The following COL28A1 variants were observed in gnomAD, a reference collection of about 807,000 sequenced individuals.
COL28A1 encodes the protein collagen alpha-1(XXVIII) chain.
Under a neutral mutation model 150.2 loss-of-function variants are expected in COL28A1, and 161 were observed. That is an observed-to-expected ratio of 1.07 (90% CI 0.94 to 1.22). The LOEUF is 1.22. COL28A1 is among the 50% of genes most tolerant of loss of function. COL28A1 has a pLI of 0.00. For missense variants in COL28A1, 1,617 were observed against 1,388.3 expected (o/e 1.16, Z -2.62); for synonymous variants, 552 against 469.7 (o/e 1.18, Z -2.26).
At chr7:7,405,338 A>G (rs1162751346) in intron 27 of COL28A1, among the ~76,000 whole-genome samples, 1 of 152,162 alleles carries the variant, frequency 6.6e-6, no homozygotes, top group African/African-American at 2.4e-5. Context: ...AAATCACCAC[A>G]GTATGGTAAT....
chr7:7,474,702 A>T (rs1212488480), intron 14 of COL28A1, 33 bp from the exon 15 acceptor site: 1 of 910,140 alleles, frequency 1.1e-6, no homozygotes, highest in South Asian at 1.3e-5. Context: ...TCAATGCACC[A>T]ACCAAAATCT....
chr7:7,364,462 A>G (rs1003613511), intron 33 of COL28A1, among the ~76,000 whole-genome samples: 1 of 152,118 alleles, frequency 6.6e-6, no homozygotes, highest in East Asian at 1.9e-4. Context: ...TAATTCACCC[A>G]TATGTTTACC....
intron 15 of COL28A1, among the ~76,000 whole-genome samples, chr7:7,465,470 G>A (rs373527169): frequency 2.1e-5 from 3 of 139,672 alleles, no homozygotes; most frequent in South Asian, 5.0e-4. Context: ...ACGGAATCTC[G>A]CTGATTGCTA....
chr7:7,463,889 C>T (rs1787840561), intron 15 of COL28A1, among the ~76,000 whole-genome samples: 1 of 152,112 alleles, frequency 6.6e-6, no homozygotes, highest in South Asian at 2.1e-4. Flanking sequence ...TAAGAATTCA[C>T]CAACCAATCT....
At chr7:7,531,208 C>G (rs966224049) in intron 3 of COL28A1, 140 bp downstream of exon 3, 2 of 480,056 alleles carry the variant, frequency 4.2e-6, no homozygotes, top group African/African-American at 4.0e-5. Context: ...AGTGACACTT[C>G]AGAAAGATTC....
intron 18 of COL28A1, among the ~76,000 whole-genome samples, chr7:7,448,319 G>A (rs891784745): frequency 2.0e-5 from 3 of 152,078 alleles, no homozygotes; most frequent in Non-Finnish European, 4.4e-5. Context: ...AAGACATGTT[G>A]TGTAGAGAAA....
intron 16 of COL28A1, among the ~76,000 whole-genome samples, chr7:7,455,747 C>T (rs1237818720): frequency 6.6e-6 from 1 of 152,138 alleles, no homozygotes; most frequent in Non-Finnish European, 1.5e-5. Context: ...AACTATTGTT[C>T]CCAAGGGGAA....
chr7:7,436,549 G>A (rs1785358518), intron 22 of COL28A1, 86 bp from the exon 23 acceptor site: 2 of 813,808 alleles, frequency 2.5e-6, no homozygotes, highest in Admixed American at 1.8e-5. Context: ...TGGCCACTCT[G>A]TAAAGAGCTT....
At chr7:7,396,185 T>A (rs1782823924) in intron 27 of COL28A1, among the ~76,000 whole-genome samples, 1 of 152,210 alleles carries the variant, frequency 6.6e-6, no homozygotes, top group Non-Finnish European at 1.5e-5. Flanking sequence ...CCCAGTGGTC[T>A]GCCATTTGGG....
chr7:7,351,119 A>G, the COL28A1 span, among the ~76,000 whole-genome samples: 1 of 152,152 alleles, frequency 6.6e-6, no homozygotes, highest in African/African-American at 2.4e-5. Context: ...GGTGGAATCC[A>G]TAAGAGTATA....
chr7:7,450,134 T>G lies in COL28A1; in HGVS notation c.1509+2185A>C, dbSNP rs533632460. ...CACTGATACTCAAAATATGGAAGCT[T>G]CATATATGAAAGAGGTGGTACTGCA... is the stretch of plus-strand genomic sequence containing the variant. On this transcript the variant is annotated intron_variant, in intron 18 of 34. Coordinates refer to ENST00000399429, the MANE Select transcript of COL28A1 (RefSeq NM_001037763.3). 7.9e-5 allele frequency among the ~76,000 whole-genome samples: 12 copies of G among 152,204 alleles called. No individual in the cohort carries two copies. In the East Asian group the frequency reaches 1.9e-3, roughly 24 times the overall value.
intron 8 of COL28A1, among the ~76,000 whole-genome samples, chr7:7,511,475 G>T (rs971530967): frequency 6.6e-6 from 1 of 152,110 alleles, no homozygotes; most frequent in Non-Finnish European, 1.5e-5. Context: ...TCCACATAAC[G>T]GTCCAGGGAG....
chr7:7,424,277 C>T (rs1389627077), intron 25 of COL28A1, among the ~76,000 whole-genome samples: 2 of 152,170 alleles, frequency 1.3e-5, no homozygotes, highest in Non-Finnish European at 2.9e-5. Context: ...TAGTGTCTCT[C>T]CACTATGGTG....
chr7:7,495,712 G>A (rs921955953), intron 11 of COL28A1, among the ~76,000 whole-genome samples: 11 of 151,970 alleles, frequency 7.2e-5, no homozygotes, highest in East Asian at 1.9e-4. Flanking sequence ...TCTACCACGC[G>A]TCTCCAGTCT....
intron 13 of COL28A1, among the ~76,000 whole-genome samples, chr7:7,480,156 T>C (rs1164123933): frequency 6.6e-6 from 1 of 152,224 alleles, no homozygotes; most frequent in African/African-American, 2.4e-5. Context: ...GGATGCAGCA[T>C]TATACTCATC....
At chr7:7,395,245 G>A (rs1782772008) in intron 27 of COL28A1, among the ~76,000 whole-genome samples, 1 of 152,270 alleles carries the variant, frequency 6.6e-6, no homozygotes, top group South Asian at 2.1e-4. Flanking sequence ...AGTGAGCCAA[G>A]ATCACATCAC....
intron 8 of COL28A1, chr7:7,511,625 A>C (rs1781139682): frequency 3.1e-6 from 1 of 325,756 alleles, no homozygotes; most frequent in Admixed American, 4.7e-5. Context: ...TTTTTCAAGA[A>C]CACCATGCTT....
Position 7,417,940 on chromosome 7 carries a change from G to A in COL28A1, c.2068-13C>T, listed in dbSNP as rs78066683. ...GCCCAGTATCACCCTGTTAGAAGATGGGGAGAATTTGAAGACAAAATGTAA... is the reference window on the plus strand; with the variant it reads ...GCCCAGTATCACCCTGTTAGAAGATAGGGAGAATTTGAAGACAAAATGTAA... On this transcript the variant is annotated splice_polypyrimidine_tract_variant and intron_variant, in intron 26 of 34. Coordinates refer to ENST00000399429, the MANE Select transcript of COL28A1 (RefSeq NM_001037763.3). The A allele has an allele frequency of 0.014, 23,088 of 1,598,724 alleles. 204 individuals carry two copies. Among genetic ancestry groups the A allele is most frequent in the African/African-American group, 0.022 (1,637 of 74,092 alleles).
At position 7,452,307 on chromosome 7, in the gene COL28A1, C is replaced by T; in HGVS notation, c.1509+12G>A. 3 of 1,598,402 alleles carry T rather than the reference C, an allele frequency of 1.9e-6. No homozygotes were observed. The highest frequency in any genetic ancestry group is 2.6e-6 in the Non-Finnish European group (3 of 1,176,364). The stretch of plus-strand genomic sequence containing the variant: ...AAAGTATCATATCACTTCTGAGCAG[C>T]AGTCAACTCACCTTTGGACCTTGTA... On this transcript the variant is annotated intron_variant, in intron 18 of 34. Transcript: ENST00000399429.
Sources: gnomAD v4.1 joint callset for allele counts (sites outside exome capture counted in the v4.1 genomes callset) on GRCh38, gnomAD v4.1.1 for gene constraint, MANE v1.5 for transcripts, NCBI Gene and HGNC (gene_info 2026-07-23, HGNC 2026-07-21) for gene names.